The following KCNB2 variants were observed in gnomAD, a reference collection of about 807,000 sequenced individuals.
The protein encoded by KCNB2 is delayed rectifier potassium channel protein.
A neutral mutation model predicts 61.5 loss-of-function variants in KCNB2; 15 were observed. The observed-to-expected ratio is 0.24, with a 90% CI of 0.16 to 0.38. The LOEUF (loss-of-function observed/expected upper bound fraction) is 0.38, where lower values mean the gene tolerates loss of function less well. Among genes scored for constraint, KCNB2 ranks in the 10% least tolerant of loss-of-function variants. The probability of loss-of-function intolerance (pLI) is 1.00; values close to 1 mark genes in which losing one functional copy is unlikely to be tolerated. For synonymous variants in KCNB2, 457 were observed against 446.0 expected (o/e 1.02, Z -0.31); for missense variants, 828 against 1,125.2 (o/e 0.74, Z 3.78).
chr8:72,705,228 G>A (rs1807201954), intron 2 of KCNB2, among the ~76,000 whole-genome samples: 1 of 152,166 alleles, frequency 6.6e-6, no homozygotes, highest in African/African-American at 2.4e-5. Flanking sequence ...TTACCAGTAG[G>A]GTGATTTGGC....
At chr8:72,600,529 C>T (rs1241943063) in intron 2 of KCNB2, among the ~76,000 whole-genome samples, 1 of 151,284 alleles carries the variant, frequency 6.6e-6, no homozygotes, top group Non-Finnish European at 1.5e-5. Flanking sequence ...ACTAACATGG[C>T]ACATGTATAC....
At chr8:72,867,371 G>A (rs569562358) in intron 2 of KCNB2, among the ~76,000 whole-genome samples, 3 of 152,206 alleles carry the variant, frequency 2.0e-5, no homozygotes, top group Non-Finnish European at 2.9e-5. Flanking sequence ...GCCAGAGGCC[G>A]GGAGTGGTGG....
intron 2 of KCNB2, among the ~76,000 whole-genome samples, chr8:72,838,880 A>G (rs1195690282): frequency 6.6e-6 from 1 of 152,226 alleles, no homozygotes; most frequent in Non-Finnish European, 1.5e-5. Context: ...GTATTGAATG[A>G]GCAAGACAAT....
intron 2 of KCNB2, among the ~76,000 whole-genome samples, chr8:72,701,921 G>T (rs954481892): frequency 6.6e-6 from 1 of 152,082 alleles, no homozygotes; most frequent in African/African-American, 2.4e-5. Context: ...TTGTACATTT[G>T]AACATCATGT....
intron 2 of KCNB2, among the ~76,000 whole-genome samples, chr8:72,597,792 G>A (rs1807222739): frequency 6.6e-6 from 1 of 152,076 alleles, no homozygotes; most frequent in Non-Finnish European, 1.5e-5. Context: ...TATCAGCCAG[G>A]AAGTCCCAAC....
chr8:72,859,945 C>G (rs778040620), intron 2 of KCNB2, among the ~76,000 whole-genome samples: 1 of 79,770 alleles, frequency 1.3e-5, no homozygotes, highest in Non-Finnish European at 3.0e-5. Context: ...TCTCAAACTC[C>G]CGACCTCAGG....
chr8:72,642,746 G>A (rs999328979), intron 2 of KCNB2, among the ~76,000 whole-genome samples: 3 of 152,158 alleles, frequency 2.0e-5, no homozygotes, highest in African/African-American at 7.2e-5. Flanking sequence ...GGGTAAAACT[G>A]CTCGCTGCTG....
intron 2 of KCNB2, among the ~76,000 whole-genome samples, chr8:72,866,626 C>A (rs74897010): frequency 2.6e-5 from 4 of 152,142 alleles, no homozygotes; most frequent in Admixed American, 1.3e-4. Flanking sequence ...TGGGAATACA[C>A]GTTTGTCAAG....
chr8:72,881,894 A>G (rs537249824), intron 2 of KCNB2, among the ~76,000 whole-genome samples: 2 of 152,214 alleles, frequency 1.3e-5, no homozygotes, highest in South Asian at 4.1e-4. Flanking sequence ...ACCACTCAGA[A>G]CTTCCCTGTC....
chr8:72,542,415 T>G (rs757865992), intron 1 of KCNB2, among the ~76,000 whole-genome samples: 1 of 152,144 alleles, frequency 6.6e-6, no homozygotes, highest in Non-Finnish European at 1.5e-5. Flanking sequence ...AAACATTTCC[T>G]TATAAAAATA....
chr8:72,546,641 A>T (rs1806263127), intron 1 of KCNB2, among the ~76,000 whole-genome samples: 1 of 152,130 alleles, frequency 6.6e-6, no homozygotes, highest in East Asian at 1.9e-4. Context: ...GATTTTTAAA[A>T]TTTCTTTAGA....
chr8:72,929,272 G>A (rs1806722504), intron 2 of KCNB2, among the ~76,000 whole-genome samples: 1 of 152,120 alleles, frequency 6.6e-6, no homozygotes, highest in Non-Finnish European at 1.5e-5. Flanking sequence ...GTTCAATTGA[G>A]GCAAGTCTCC....
In KCNB2 at chr8:72,567,777, A is replaced by G. The variant is rs375433681; in HGVS notation, c.43A>G (p.Arg15Gly). 4 of 1,605,870 alleles carry G rather than the reference A, an allele frequency of 2.5e-6. No homozygotes were observed. The highest frequency in any genetic ancestry group is 3.4e-6 in the Non-Finnish European group (4 of 1,176,486). ...CCCGGGCTTAAACAGGAAGACTTCA[A>G]GGTCGACACTTTCCCTTCCTCCAGA... ...APPGLNRKTSRSTLSLPPEPV... is the reference protein window; with the variant it reads ...APPGLNRKTSGSTLSLPPEPV... Residue 15 changes from arginine to glycine, a missense_variant, in exon 2 of 3, where the codon AGG becomes GGG. By Grantham distance (125) the Arg-to-Gly change is moderately radical. Transcript: ENST00000523207.
chr8:72,858,166 G>T (rs973638216), intron 2 of KCNB2, among the ~76,000 whole-genome samples: 1 of 152,052 alleles, frequency 6.6e-6, no homozygotes, highest in African/African-American at 2.4e-5. Flanking sequence ...ATATATTTCA[G>T]TACTTTGAAC....
chr8:72,865,358 G>A (rs1221299122), intron 2 of KCNB2, among the ~76,000 whole-genome samples: 2 of 152,084 alleles, frequency 1.3e-5, no homozygotes, highest in East Asian at 1.9e-4. Flanking sequence ...TAGTGCCCAG[G>A]CCTATGCCTC....
chr8:72,913,349 T>C (rs1716130689), intron 2 of KCNB2, among the ~76,000 whole-genome samples: 1 of 152,200 alleles, frequency 6.6e-6, no homozygotes, highest in Non-Finnish European at 1.5e-5. Flanking sequence ...ATATGGACAG[T>C]ATGGTTGTAA....
At chr8:72,597,001 C>CTTTTTTTTTTTTTTTTTTTTTTTTTTTT (rs869160203) in intron 2 of KCNB2, among the ~76,000 whole-genome samples, 3 of 64,660 alleles carry the variant, frequency 4.6e-5, no homozygotes, top group South Asian at 7.6e-4. Flanking sequence ...TGCTTGCTTG[C>CTTTTTTTTTTTTTTTTTTTTTTTTTTTT]TTTTTTTTTT....
At chr8:72,538,971 G>A (rs1043263984) in intron 1 of KCNB2, among the ~76,000 whole-genome samples, 3 of 152,158 alleles carry the variant, frequency 2.0e-5, no homozygotes, top group African/African-American at 7.2e-5. Context: ...ACCTGTCAGT[G>A]CTGAATAACT....
chr8:72,841,091 G>A (rs902488981), intron 2 of KCNB2, among the ~76,000 whole-genome samples: 2 of 152,098 alleles, frequency 1.3e-5, no homozygotes, highest in Admixed American at 6.6e-5. Flanking sequence ...TAAGGTGTAA[G>A]GAAAGGGTCT....
Sources: allele counts gnomAD v4.1 joint callset (sites outside exome capture counted in the v4.1 genomes callset), GRCh38; gene constraint gnomAD v4.1.1; transcripts MANE v1.5; gene names NCBI Gene and HGNC (gene_info 2026-07-23, HGNC 2026-07-21).